The following ANKRD29 variants were observed in gnomAD, a reference collection of about 807,000 sequenced individuals.
ANKRD29 encodes the protein ankyrin repeat domain-containing protein 29.
In ANKRD29, 32 loss-of-function variants were observed where a neutral mutation model predicts 38.0. The ratio of observed to expected loss-of-function variants is 0.84; its 90% CI spans 0.64 to 1.13. ANKRD29 has a LOEUF of 1.13. Among genes scored for constraint, ANKRD29 ranks in the 50% most tolerant of loss-of-function variants. The pLI is 0.00. For missense variants in ANKRD29, 357 were observed against 377.9 expected (o/e 0.94, Z 0.46); for synonymous variants, 135 against 152.4 (o/e 0.89, Z 0.84).
intron 4 of ANKRD29, among the ~76,000 whole-genome samples, chr18:23,635,429 A>G (rs1396588669): frequency 2.0e-5 from 3 of 152,124 alleles, no homozygotes; most frequent in African/African-American, 7.2e-5. Flanking sequence ...CAACCACATC[A>G]CACTGCTGAC....
At chr18:23,622,585 A>G (rs1307748284) in intron 6 of ANKRD29, among the ~76,000 whole-genome samples, 2 of 152,040 alleles carry the variant, frequency 1.3e-5, no homozygotes, top group African/African-American at 4.8e-5. Flanking sequence ...CTACCTACCT[A>G]TCATGGAGTC....
At chr18:23,609,486 G>C (rs1480419390) in intron 9 of ANKRD29, among the ~76,000 whole-genome samples, 1 of 152,194 alleles carries the variant, frequency 6.6e-6, no homozygotes, top group Non-Finnish European at 1.5e-5. Flanking sequence ...GGCTCTGCGT[G>C]AATTACTCTT....
At chr18:23,604,379 G>T (rs541106421) in intron 9 of ANKRD29, among the ~76,000 whole-genome samples, 18 of 152,156 alleles carry the variant, frequency 1.2e-4, no homozygotes, top group South Asian at 4.1e-4. Context: ...TATGACTCCT[G>T]TCCCTGTTAC....
intron 1 of ANKRD29, among the ~76,000 whole-genome samples, chr18:23,656,576 A>G (rs143688813): frequency 6.6e-6 from 1 of 152,364 alleles, no homozygotes; most frequent in East Asian, 1.9e-4. Flanking sequence ...CTGATGCCAC[A>G]TGAAAATCAT....
intron 9 of ANKRD29, among the ~76,000 whole-genome samples, chr18:23,609,528 C>T (rs182800476): frequency 1.3e-5 from 2 of 152,292 alleles, no homozygotes; most frequent in African/African-American, 4.8e-5. Context: ...CCTGATACAT[C>T]GGTTCTGTCT....
chr18:23,616,082 T>C (rs1409924530), intron 8 of ANKRD29, among the ~76,000 whole-genome samples: 1 of 150,300 alleles, frequency 6.7e-6, no homozygotes, highest in Non-Finnish European at 1.5e-5. Flanking sequence ...GTATGCATAC[T>C]CTACACATAC....
In ANKRD29 at chr18:23,632,531, G is replaced by GTATATATATATATATATATATATATA. The variant is rs772817461; in HGVS notation, c.429+1519_429+1520insTATATATATATATATATATATATATA. Among the ~76,000 whole-genome samples the GTATATATATATATATATATATATATA allele has an allele frequency of 1.8e-3, 229 of 126,790 alleles. 5 individuals are homozygous for GTATATATATATATATATATATATATA. The East Asian group carries it at 0.028, about 16-fold the overall frequency. 83.2% of individuals were successfully genotyped at this position (126,790 alleles called of 152,430 possible). On this transcript the variant is annotated intron_variant, in intron 5 of 9. Transcript: ENST00000592179. Reference sequence around the variant, plus strand: ...TCCTATTCAGTGTGTGTGTGTGTGTGTGTATATATATATATATTACACACT... The same window carrying GTATATATATATATATATATATATATA: ...TCCTATTCAGTGTGTGTGTGTGTGTGTATATATATATATATATATATATATATGTATATATATATATATTACACACT...
Position 23,638,964 on chromosome 18 carries a change from G to C in ANKRD29, c.232-17C>G, listed in dbSNP as rs2060038164. On this transcript the variant is annotated splice_polypyrimidine_tract_variant and intron_variant, in intron 3 of 9. Coordinates refer to ENST00000592179, the MANE Select transcript of ANKRD29 (RefSeq NM_173505.4). ...TGTACCTGACTGGGAGAGAGGGAGA[G>C]GCTAGTTTTAAAAGACATTTGGTTA... The C allele has an allele frequency of 6.4e-7, 1 of 1,560,164 alleles. No individual in the cohort carries two copies. The highest frequency in any genetic ancestry group is 1.4e-5 in the African/African-American group (1 of 72,782).
At position 23,619,544 on chromosome 18, in the gene ANKRD29, T is replaced by A; in HGVS notation, c.614A>T (p.Asp205Val). 2.5e-6 allele frequency: 4 copies of A among 1,592,984 alleles called. No homozygotes were observed. The highest frequency in any genetic ancestry group is 3.4e-6 in the Non-Finnish European group (4 of 1,177,424). ...RVMLLRGADRDAARNDGTTAL... is the reference protein window; with the variant it reads ...RVMLLRGADRVAARNDGTTAL... The stretch of plus-strand genomic sequence containing the variant: ...TCGGGCACTCACGTTCCGCGCAGCG[T>A]CGCGGTCGGCTCCGCGCAGCAGCAT... Residue 205 changes from aspartate to valine, a missense_variant, in exon 7 of 10, where the codon GAC becomes GTC. Physicochemically the swap from Asp to Val is radical, Grantham distance 152 (BLOSUM62 -3). Transcript: ENST00000592179.
At chr18:23,624,463 T>A (rs1395560091) in intron 6 of ANKRD29, among the ~76,000 whole-genome samples, 1 of 15,208 alleles carries the variant, frequency 6.6e-5, no homozygotes, top group East Asian at 1.0e-3. Context: ...TGAGACTCCA[T>A]CTCAAAAAAA....
At chr18:23,634,575 C>T (rs2059979811) in intron 4 of ANKRD29, among the ~76,000 whole-genome samples, 1 of 152,022 alleles carries the variant, frequency 6.6e-6, no homozygotes, top group Non-Finnish European at 1.5e-5. Context: ...CAGGTGTGAG[C>T]TACCATGTCC....
chr18:23,629,776 A>G, intron 6 of ANKRD29, 77 bp downstream of exon 6: 1 of 1,142,404 alleles, frequency 8.8e-7, no homozygotes. Flanking sequence ...TATCTCAGGT[A>G]TGTGCTGCCA....
At chr18:23,613,128 A>G (rs982410370) in intron 8 of ANKRD29, among the ~76,000 whole-genome samples, 8 of 150,818 alleles carry the variant, frequency 5.3e-5, no homozygotes, top group Non-Finnish European at 1.0e-4. Flanking sequence ...ATCTTAGCCA[A>G]TCTATCAACT....
intron 7 of ANKRD29, 27 bp downstream of exon 7, chr18:23,619,504 C>T: frequency 6.4e-7 from 1 of 1,561,608 alleles, no homozygotes. Context: ...AGGCTTCGCT[C>T]TTTGGCCGCG....
intron 3 of ANKRD29, among the ~76,000 whole-genome samples, chr18:23,642,541 C>T (rs972092414): frequency 3.3e-5 from 5 of 152,320 alleles, no homozygotes; most frequent in Middle Eastern, 3.4e-3. Flanking sequence ...TTGCCCTTGG[C>T]AGGCATGGGA....
intron 3 of ANKRD29, among the ~76,000 whole-genome samples, chr18:23,644,276 A>G (rs760375481): frequency 6.6e-6 from 1 of 152,234 alleles, no homozygotes; most frequent in Non-Finnish European, 1.5e-5. Context: ...ATTTTTGTGC[A>G]TGTGCAATTT....
chr18:23,628,554 T>C (rs1215105144), intron 6 of ANKRD29, among the ~76,000 whole-genome samples: 1 of 152,146 alleles, frequency 6.6e-6, no homozygotes, highest in Non-Finnish European at 1.5e-5. Flanking sequence ...ATTAATCTGG[T>C]GCCAGGCATG....
rs1223874570 is a variant in ANKRD29, at chr18:23,601,226, T to C, written c.906A>G (p.Ter302=). The C allele has an allele frequency of 6.2e-7, 1 of 1,613,668 alleles. No individual in the cohort carries two copies. Among genetic ancestry groups the C allele is most frequent in the Non-Finnish European group, 8.5e-7 (1 of 1,179,616 alleles). ...LRSKEGPRKS[*] ...TCTTTCTGTCAAATATGGAGCTAAG[T>C]TAGCTCTTTCTGGGACCTTCTTTAC... is the stretch of plus-strand genomic sequence containing the variant. Residue 302 remains the stop codon, a stop_retained_variant, in exon 10 of 10, where the codon TAA becomes TAG. Coordinates refer to ENST00000592179, the MANE Select transcript of ANKRD29 (RefSeq NM_173505.4).
Position 23,646,224 on chromosome 18 carries a change from C to T in ANKRD29, c.196G>A (p.Val66Ile). 6.2e-7 allele frequency: 1 copy of T among 1,614,158 alleles called. No individual in the cohort carries two copies. The highest frequency in any genetic ancestry group is 8.5e-7 in the Non-Finnish European group (1 of 1,180,020). The change falls in exon 3 of 10, where the codon GTT (valine) becomes ATT (isoleucine). Residue 66 changes from valine to isoleucine, a missense_variant. Val to Ile is a conservative substitution (Grantham distance 29). Transcript: ENST00000592179. ...AGHIDCVRELVLQGADINLQR... is the reference protein window; with the variant it reads ...AGHIDCVRELILQGADINLQR... ...AGATTGATGTCTGCTCCTTGCAGAA[C>T]CAGTTCCCTCACACAGTCTATGTGG...
Sources: allele counts gnomAD v4.1 joint callset (sites outside exome capture counted in the v4.1 genomes callset), GRCh38; gene constraint gnomAD v4.1.1; transcripts MANE v1.5; gene names NCBI Gene and HGNC (gene_info 2026-07-23, HGNC 2026-07-21).